SESN1: variants seen among roughly 807,000 people sequenced by gnomAD.
The protein encoded by SESN1 is sestrin 1.
SESN1 carries 30 observed loss-of-function variants against 59.3 expected under a neutral mutation model. The observed-to-expected ratio is 0.51, with a 90% CI of 0.38 to 0.69. The LOEUF is 0.69. SESN1 is among the 30% of genes least tolerant of loss of function. SESN1 has a pLI of 0.00. For missense variants in SESN1, 566 were observed against 673.0 expected (o/e 0.84, Z 1.76); for synonymous variants, 197 against 219.9 (o/e 0.90, Z 0.92).
intron 1 of SESN1, among the ~76,000 whole-genome samples, chr6:109,043,060 C>G (rs1415561243): frequency 6.6e-6 from 1 of 152,096 alleles, no homozygotes; most frequent in East Asian, 1.9e-4. Flanking sequence ...TCAATGCAAT[C>G]TACCATTTTA....
At chr6:108,995,028 A>G (rs1779475246) in intron 5 of SESN1, among the ~76,000 whole-genome samples, 1 of 152,184 alleles carries the variant, frequency 6.6e-6, no homozygotes, top group South Asian at 2.1e-4. Flanking sequence ...AGTAGAATAT[A>G]GGGAAAATAT....
At chr6:109,093,022 G>C (rs1263693329) in intron 1 of SESN1, among the ~76,000 whole-genome samples, 2 of 152,010 alleles carry the variant, frequency 1.3e-5, no homozygotes, top group Admixed American at 6.6e-5. Flanking sequence ...GCATATATAA[G>C]GTGTTGCTGA....
intron 1 of SESN1, among the ~76,000 whole-genome samples, chr6:109,011,641 T>C (rs1449148946): frequency 1.3e-5 from 2 of 151,162 alleles, no homozygotes; most frequent in African/African-American, 4.8e-5. Flanking sequence ...TCTTTTTTTT[T>C]TTTTTTGAGA....
chr6:109,051,838 G>C (rs190253882), intron 1 of SESN1, among the ~76,000 whole-genome samples: 39 of 152,330 alleles, frequency 2.6e-4, no homozygotes, highest in African/African-American at 8.7e-4. Flanking sequence ...TTACATGACA[G>C]AAGACAGTCG....
chr6:109,029,485 C>T (rs960167013), intron 1 of SESN1, among the ~76,000 whole-genome samples: 4 of 152,156 alleles, frequency 2.6e-5, no homozygotes, highest in Non-Finnish European at 5.9e-5. Context: ...CCACTTCCTA[C>T]AACCTCTCCC....
rs1159027646 is a variant in SESN1 at position 108,985,061 on chromosome 6, A to G, written c.*2483T>C. Among the ~76,000 whole-genome samples the G allele has an allele frequency of 6.6e-6, 1 of 152,208 alleles. No individual in the cohort carries two copies. Among genetic ancestry groups the G allele is most frequent in the Non-Finnish European group, 1.5e-5 (1 of 68,046 alleles). ...GCAAAAAACTAGTATGATGATTCATATATGATATTCACATATACAAATATG... is the reference window on the plus strand; with the variant it reads ...GCAAAAAACTAGTATGATGATTCATGTATGATATTCACATATACAAATATG... On this transcript the variant is annotated 3_prime_UTR_variant, in exon 10 of 10. Transcript: ENST00000436639.
chr6:109,062,930 A>G (rs1399055949), intron 1 of SESN1, among the ~76,000 whole-genome samples: 1 of 152,174 alleles, frequency 6.6e-6, no homozygotes, highest in Non-Finnish European at 1.5e-5. Context: ...TGGTAAGTGA[A>G]AGTGAGGAAA....
intron 1 of SESN1, among the ~76,000 whole-genome samples, chr6:109,003,116 C>A (rs1779662029): frequency 6.6e-6 from 1 of 151,948 alleles, no homozygotes; most frequent in African/African-American, 2.4e-5. Flanking sequence ...CCCTCCCTCA[C>A]CCTCCCCATA....
intron 1 of SESN1, among the ~76,000 whole-genome samples, chr6:109,021,873 C>G (rs1026706809): frequency 6.6e-6 from 1 of 152,086 alleles, no homozygotes; most frequent in African/African-American, 2.4e-5. Context: ...GACTTTTAAA[C>G]CCTAATAATT....
At chr6:108,988,460 G>A in intron 9 of SESN1, 83 bp downstream of exon 9, 1 of 1,243,234 alleles carries the variant, frequency 8.0e-7, no homozygotes, top group Non-Finnish European at 1.1e-6. Flanking sequence ...TGATGGAAAG[G>A]GTTTCAGCAC....
At chr6:108,994,659 A>G (rs1287166938) in intron 5 of SESN1, 50 bp from the exon 6 acceptor site, 3 of 1,235,290 alleles carry the variant, frequency 2.4e-6, no homozygotes, top group Admixed American at 4.6e-5. Context: ...TAGAATATAT[A>G]TGAATTATCT....
At chr6:108,996,077 G>A (rs945249288) in intron 5 of SESN1, among the ~76,000 whole-genome samples, 1 of 152,120 alleles carries the variant, frequency 6.6e-6, no homozygotes, top group African/African-American at 2.4e-5. Context: ...TCCCTTCCCA[G>A]ACCAAACCTT....
At chr6:108,989,452 T>A (rs1207095841) in intron 8 of SESN1, among the ~76,000 whole-genome samples, 1 of 149,008 alleles carries the variant, frequency 6.7e-6, no homozygotes, top group East Asian at 1.9e-4. Context: ...GATACATCTC[T>A]ATATCTAGAG....
intron 1 of SESN1, among the ~76,000 whole-genome samples, chr6:109,046,695 C>G (rs940307152): frequency 7.4e-6 from 1 of 135,300 alleles, no homozygotes; most frequent in Non-Finnish European, 1.6e-5. Flanking sequence ...TCTGCCCGGC[C>G]GCCCATCGTC....
chr6:109,060,425 G>A (rs571529499), intron 1 of SESN1, among the ~76,000 whole-genome samples: 54 of 152,230 alleles, frequency 3.5e-4, no homozygotes, highest in Non-Finnish European at 6.8e-4. Flanking sequence ...TGCTTGATTT[G>A]ACCTGCCAAG....
At chr6:109,060,479 T>C (rs1780713447) in intron 1 of SESN1, among the ~76,000 whole-genome samples, 1 of 152,228 alleles carries the variant, frequency 6.6e-6, no homozygotes, top group Non-Finnish European at 1.5e-5. Flanking sequence ...TTTCTATTGA[T>C]TAGTTCAGTA....
chr6:109,060,436 C>A (rs191061797), intron 1 of SESN1, among the ~76,000 whole-genome samples: 11 of 152,282 alleles, frequency 7.2e-5, no homozygotes, highest in African/African-American at 1.9e-4. Flanking sequence ...ACCTGCCAAG[C>A]CTTTTTTCCT....
intron 1 of SESN1, chr6:109,009,452 C>T: frequency 7.5e-7 from 1 of 1,336,522 alleles, no homozygotes. Context: ...CGGCGGCGGC[C>T]AAGCGCATGT....
intron 1 of SESN1, among the ~76,000 whole-genome samples, chr6:109,055,636 T>C (rs1277265846): frequency 4.1e-5 from 5 of 123,286 alleles, no homozygotes; most frequent in Non-Finnish European, 7.9e-5. Flanking sequence ...CACTCCAGCC[T>C]GGGCAACAGA....
Sources: allele counts gnomAD v4.1 joint callset (sites outside exome capture counted in the v4.1 genomes callset), GRCh38; gene constraint gnomAD v4.1.1; transcripts MANE v1.5; gene names NCBI Gene and HGNC (gene_info 2026-07-23, HGNC 2026-07-21).